ZNRF1: variants seen among roughly 807,000 people sequenced by gnomAD.
ZNRF1 encodes zinc and ring finger 1, also known as E3 ubiquitin-protein ligase ZNRF1.
ZNRF1 carries 3 observed loss-of-function variants against 18.4 expected under a neutral mutation model. The observed-to-expected ratio is 0.16, with a 90% CI of 0.07 to 0.42. ZNRF1 has a LOEUF of 0.42. Among genes scored for constraint, ZNRF1 ranks in the 10% least tolerant of loss-of-function variants. The pLI, the probability that ZNRF1 is intolerant of heterozygous loss-of-function variation, is 0.99. For synonymous variants in ZNRF1, 157 were observed against 144.2 expected, an observed-to-expected ratio of 1.09 and a Z score of -0.64; for missense variants, 310 against 329.8, an observed-to-expected ratio of 0.94 and a Z score of 0.47.
chr16:75,025,097 G>A (rs993296114), intron 1 of ZNRF1, among the ~76,000 whole-genome samples: 2 of 151,604 alleles, frequency 1.3e-5, no homozygotes, highest in African/African-American at 2.4e-5. Flanking sequence ...AGACAGAGTT[G>A]CACTCTGTTG....
chr16:75,046,362 G>A (rs571490378), intron 1 of ZNRF1, among the ~76,000 whole-genome samples: 3 of 146,724 alleles, frequency 2.0e-5, no homozygotes, highest in Non-Finnish European at 3.0e-5. Flanking sequence ...AGTGATTCTC[G>A]TACCTCAGCC....
At chr16:75,066,646 G>T (rs950582164) in intron 1 of ZNRF1, among the ~76,000 whole-genome samples, 1 of 152,100 alleles carries the variant, frequency 6.6e-6, no homozygotes, top group African/African-American at 2.4e-5. Flanking sequence ...GGGATTACAG[G>T]CATGCGCCAC....
At chr16:75,048,531 G>C (rs1215564203) in intron 1 of ZNRF1, among the ~76,000 whole-genome samples, 1 of 152,170 alleles carries the variant, frequency 6.6e-6, no homozygotes, top group African/African-American at 2.4e-5. Flanking sequence ...AAAAGAGAAT[G>C]CTCTTAAAAT....
intron 1 of ZNRF1, among the ~76,000 whole-genome samples, chr16:75,005,626 A>C (rs1352931914): frequency 6.6e-6 from 1 of 152,216 alleles, no homozygotes; most frequent in Non-Finnish European, 1.5e-5. Flanking sequence ...GAAACCGTGG[A>C]TAGTACCTCA....
chr16:75,096,058 GCAC>G (rs1567494249), intron 2 of ZNRF1, among the ~76,000 whole-genome samples: 12 of 112,206 alleles, frequency 1.1e-4, no homozygotes, highest in South Asian at 3.1e-4. Context: ...CTGTATGTGT[GCAC>G]GTGTGTGTGT....
chr16:75,026,567 T>A (rs186844519), intron 1 of ZNRF1, among the ~76,000 whole-genome samples: 1 of 152,202 alleles, frequency 6.6e-6, no homozygotes, highest in Admixed American at 6.5e-5. Flanking sequence ...ACTGAGACTT[T>A]TGCTTTCATA....
intron 1 of ZNRF1, among the ~76,000 whole-genome samples, chr16:75,090,130 TG>T (rs934386898): frequency 2.0e-5 from 3 of 152,094 alleles, no homozygotes; most frequent in Non-Finnish European, 2.9e-5. Context: ...TGCAAAACCT[TG>T]GTCTTTGGGG....
Position 75,010,711 on chromosome 16 carries a change from G to GTGTTT in ZNRF1, c.424+10617_424+10618insGTTTT, listed in dbSNP as rs1367958306. Reference sequence around the variant, plus strand: ...CCTCTGTACTGTACTGTTTTTTTTTGTTTTTTTGTTTTTTTTTTTTTGAGG... The same window carrying GTGTTT: ...CCTCTGTACTGTACTGTTTTTTTTTGTGTTTTTTTTTTGTTTTTTTTTTTTTGAGG... On this transcript the variant is annotated intron_variant, in intron 1 of 4. Coordinates refer to ENST00000335325, the MANE Select transcript of ZNRF1 (RefSeq NM_032268.5). Among the ~76,000 whole-genome samples the GTGTTT allele has an allele frequency of 2.1e-3, 153 of 74,316 alleles. 1 individual carries two copies. Among genetic ancestry groups the GTGTTT allele is most frequent in the African/African-American group, 5.2e-3 (135 of 25,772 alleles). The allele number at this position is 74,316 out of a possible 152,430, so 48.8% of individuals were successfully genotyped here.
intron 1 of ZNRF1, among the ~76,000 whole-genome samples, chr16:75,055,342 C>T (rs1032695169): frequency 6.6e-6 from 1 of 152,322 alleles, no homozygotes; most frequent in East Asian, 1.9e-4. Context: ...TAGAACCACT[C>T]CTTCATTTGT....
At chr16:75,013,559 A>T (rs1359988703) in intron 1 of ZNRF1, among the ~76,000 whole-genome samples, 1 of 152,066 alleles carries the variant, frequency 6.6e-6, no homozygotes, top group African/African-American at 2.4e-5. Context: ...GTTAGCCAGG[A>T]TGGTCTCAAT....
chr16:75,087,488 G>T (rs2036087437), intron 1 of ZNRF1, among the ~76,000 whole-genome samples: 1 of 152,206 alleles, frequency 6.6e-6, no homozygotes, highest in African/African-American at 2.4e-5. Flanking sequence ...CAGCTCTTCT[G>T]GCTGTGTAAA....
intron 1 of ZNRF1, among the ~76,000 whole-genome samples, chr16:75,042,443 CTTTT>C (rs56212046): frequency 2.6e-5 from 3 of 116,962 alleles, no homozygotes; most frequent in Non-Finnish European, 5.3e-5. Flanking sequence ...CTGTTTCTTT[CTTTT>C]TTTTTTTTTT....
chr16:75,028,384 C>T (rs950146140), intron 1 of ZNRF1, among the ~76,000 whole-genome samples: 2 of 152,164 alleles, frequency 1.3e-5, no homozygotes, highest in African/African-American at 4.8e-5. Flanking sequence ...ACCTCTGTCT[C>T]CTGGGTTCAA....
intron 1 of ZNRF1, among the ~76,000 whole-genome samples, chr16:75,015,725 A>G (rs1261170637): frequency 6.6e-6 from 1 of 152,118 alleles, no homozygotes; most frequent in Non-Finnish European, 1.5e-5. Flanking sequence ...CTGGGACTAC[A>G]GGTGTGCACC....
chr16:75,080,956 C>T (rs1056069889), intron 1 of ZNRF1, among the ~76,000 whole-genome samples: 1 of 152,066 alleles, frequency 6.6e-6, no homozygotes, highest in African/African-American at 2.4e-5. Context: ...GGCGGATCAC[C>T]AGGTCAGGAG....
chr16:75,017,321 T>A (rs758140677), intron 1 of ZNRF1, among the ~76,000 whole-genome samples: 14 of 152,222 alleles, frequency 9.2e-5, no homozygotes, highest in Admixed American at 1.3e-4. Context: ...GGCTTATCCA[T>A]GAATCTGATA....
At chr16:75,035,584 G>A (rs1448129870) in intron 1 of ZNRF1, among the ~76,000 whole-genome samples, 4 of 152,170 alleles carry the variant, frequency 2.6e-5, no homozygotes, top group Non-Finnish European at 5.9e-5. Context: ...CTTTAAAGCA[G>A]GAAAGAAGGG....
chr16:75,073,557 GT>G (rs887161701), intron 1 of ZNRF1, among the ~76,000 whole-genome samples: 1 of 152,108 alleles, frequency 6.6e-6, no homozygotes, highest in African/African-American at 2.4e-5. Context: ...TTAATCTAAG[GT>G]TTTAGTTGTG....
At chr16:75,026,839 G>A (rs113191773) in intron 1 of ZNRF1, among the ~76,000 whole-genome samples, 7,022 of 151,930 alleles carry the variant, frequency 0.046, 286 homozygotes, top group Admixed American at 0.11. Context: ...AGGAGGCTGA[G>A]GCACAAGAAT....
Sources: allele counts gnomAD v4.1 joint callset (sites outside exome capture counted in the v4.1 genomes callset), GRCh38; gene constraint gnomAD v4.1.1; transcripts MANE v1.5; gene names NCBI Gene and HGNC (gene_info 2026-07-23, HGNC 2026-07-21).